Variants in ATP10A observed in about 807,000 individuals in gnomAD.
ATP10A encodes phospholipid-transporting ATPase VA.
ATP10A carries 111 observed loss-of-function variants against 147.8 expected under a neutral mutation model. That is an observed-to-expected ratio of 0.75 (90% confidence interval 0.64 to 0.88). The LOEUF (loss-of-function observed/expected upper bound fraction) is 0.88. Among genes scored for constraint, ATP10A ranks in the 40% least tolerant of loss-of-function variants. ATP10A has a pLI of 0.00. For missense variants in ATP10A, 1,927 were observed against 1,959.0 expected (o/e 0.98, Z 0.31); for synonymous variants, 875 against 841.6 (o/e 1.04, Z -0.69).
At chr15:25,828,288 G>A (rs529092207) in intron 1 of ATP10A, among the ~76,000 whole-genome samples, 1 of 152,258 alleles carries the variant, frequency 6.6e-6, no homozygotes, top group East Asian at 1.9e-4. Flanking sequence ...TATTATAAAT[G>A]AACTAGACCT....
In ATP10A at chr15:25,679,774, T is replaced by G. The variant is rs748172500; in HGVS notation, c.4067A>C (p.His1356Pro). 6.2e-7 allele frequency: 1 copy of G among 1,613,094 alleles called. No homozygotes were observed. The highest frequency in any genetic ancestry group is 8.5e-7 in the Non-Finnish European group (1 of 1,179,868). ...TSVPLSQPSW[H>P]TQQPVCSLEA... ...CAGGGAGCAGACCGGCTGCTGTGTG[T>G]GCCAAGAAGGCTGGGACAGGGGCAC... The change falls in exon 21 of 21, where the codon CAC (histidine) becomes CCC (proline). Residue 1356 changes from histidine to proline, a missense_variant. Coordinates refer to ENST00000555815, the MANE Select transcript of ATP10A (RefSeq NM_024490.4).
chr15:25,719,762 G>C lies in ATP10A; in HGVS notation c.1364-1363C>G, dbSNP rs1902097100. Among the ~76,000 whole-genome samples, 4 of 152,136 alleles carry C rather than the reference G, an allele frequency of 2.6e-5. No homozygotes were observed. In the South Asian group the frequency reaches 8.3e-4, roughly 32 times the overall value. On this transcript the variant is annotated intron_variant, in intron 7 of 20. Coordinates refer to ENST00000555815, the MANE Select transcript of ATP10A (RefSeq NM_024490.4). The stretch of plus-strand genomic sequence containing the variant: ...CCAGGAGCAGGTAATGCCCCCTCCT[G>C]GGCATGCACAGCCAGCTAGCTCCAG...
chr15:25,852,048 A>G (rs1342344138), intron 1 of ATP10A, among the ~76,000 whole-genome samples: 1 of 152,220 alleles, frequency 6.6e-6, no homozygotes, highest in Admixed American at 6.5e-5. Flanking sequence ...CCTGCCTGGC[A>G]CTGTAGCCCA....
At chr15:25,827,110 C>A (rs1461407473) in intron 1 of ATP10A, among the ~76,000 whole-genome samples, 2 of 152,222 alleles carry the variant, frequency 1.3e-5, no homozygotes, top group Admixed American at 6.5e-5. Context: ...AAAATGGAGT[C>A]AGGTGACATC....
intron 13 of ATP10A, among the ~76,000 whole-genome samples, chr15:25,697,483 T>C (rs908881526): frequency 3.3e-5 from 5 of 152,088 alleles, no homozygotes; most frequent in Non-Finnish European, 7.3e-5. Flanking sequence ...ACACAGATAC[T>C]GACATTATCG....
At chr15:25,675,085 G>A (rs1412406355), downstream of ATP10A, among the ~76,000 whole-genome samples, 2 of 152,208 alleles carry the variant, frequency 1.3e-5, no homozygotes, top group African/African-American at 4.8e-5. Context: ...CACGCTGCTC[G>A]GGGAATTTTG....
intron 2 of ATP10A, among the ~76,000 whole-genome samples, chr15:25,767,379 G>A (rs1433857191): frequency 6.6e-6 from 1 of 152,196 alleles, no homozygotes; most frequent in Non-Finnish European, 1.5e-5. Context: ...CGAGTCTGCT[G>A]GGAGACCTGG....
intron 7 of ATP10A, 109 bp downstream of exon 7, chr15:25,721,548 G>A (rs1193869981): frequency 1.1e-5 from 5 of 470,724 alleles, no homozygotes; most frequent in African/African-American, 3.2e-5. Context: ...TGAAGCGTGT[G>A]TGTGTGTGTG....
chr15:25,858,000 C>T (rs566820214), intron 1 of ATP10A, among the ~76,000 whole-genome samples: 1 of 152,192 alleles, frequency 6.6e-6, no homozygotes, highest in Non-Finnish European at 1.5e-5. Flanking sequence ...CATGAACAAG[C>T]CTGCCTTTGG....
At chr15:25,770,218 G>GGGGCCCCACCC (rs1365895915) in intron 2 of ATP10A, among the ~76,000 whole-genome samples, 1 of 152,136 alleles carries the variant, frequency 6.6e-6, no homozygotes, top group African/African-American at 2.4e-5. Flanking sequence ...GAGGTGGGGA[G>GGGGCCCCACCC]GGGCCCCACC....
intron 1 of ATP10A, among the ~76,000 whole-genome samples, chr15:25,857,644 G>T (rs1462688643): frequency 6.6e-6 from 1 of 152,152 alleles, no homozygotes; most frequent in Non-Finnish European, 1.5e-5. Flanking sequence ...GTTGCTAATT[G>T]TTGAAACTGG....
intron 1 of ATP10A, among the ~76,000 whole-genome samples, chr15:25,836,634 T>C (rs1402794641): frequency 6.6e-6 from 1 of 152,154 alleles, no homozygotes. Context: ...GCCTCCCTGT[T>C]CCCTCAGGCA....
intron 3 of ATP10A, among the ~76,000 whole-genome samples, chr15:25,730,359 A>AGAT (rs1902905998): frequency 7.0e-6 from 1 of 141,916 alleles, no homozygotes; most frequent in African/African-American, 2.6e-5. Context: ...GAAGGAAGGA[A>AGAT]GGACAGGGAG....
chr15:25,719,903 GAGA>G (rs1353495465), intron 7 of ATP10A, among the ~76,000 whole-genome samples: 1 of 152,178 alleles, frequency 6.6e-6, no homozygotes, highest in Non-Finnish European at 1.5e-5. Flanking sequence ...GTGACATCTG[GAGA>G]GGTCAGATCA....
intron 12 of ATP10A, among the ~76,000 whole-genome samples, 174 bp downstream of exon 12, chr15:25,707,802 T>G (rs978073040): frequency 1.3e-5 from 2 of 152,082 alleles, no homozygotes; most frequent in African/African-American, 4.8e-5. Flanking sequence ...GAAATGAGAC[T>G]AGGAGAAGAT....
At chr15:25,727,426 T>G (rs1902648610) in intron 3 of ATP10A, among the ~76,000 whole-genome samples, 160 bp from the exon 4 acceptor site, 2 of 152,046 alleles carry the variant, frequency 1.3e-5, no homozygotes, top group African/African-American at 4.8e-5. Context: ...AGTGGGTGGC[T>G]CGCCCTGTGG....
At chr15:25,720,211 T>A (rs1902127092) in intron 7 of ATP10A, among the ~76,000 whole-genome samples, 1 of 152,198 alleles carries the variant, frequency 6.6e-6, no homozygotes, top group African/African-American at 2.4e-5. Context: ...TATACATTCA[T>A]GGGGTGCAAT....
intron 1 of ATP10A, among the ~76,000 whole-genome samples, chr15:25,804,395 A>G (rs1257346627): frequency 2.0e-5 from 3 of 147,144 alleles, no homozygotes; most frequent in African/African-American, 5.1e-5. Flanking sequence ...GTGAGTGCAT[A>G]TGCGGGTAGG....
intron 12 of ATP10A, 134 bp from the exon 13 acceptor site, chr15:25,702,234 G>C: frequency 1.1e-6 from 1 of 883,668 alleles, no homozygotes; most frequent in South Asian, 1.8e-5. Flanking sequence ...GCCTTGCCAG[G>C]GGCTGGGCTG....
Sources: allele counts gnomAD v4.1 joint callset (sites outside exome capture counted in the v4.1 genomes callset), GRCh38; gene constraint gnomAD v4.1.1; transcripts MANE v1.5; gene names NCBI Gene and HGNC (gene_info 2026-07-23, HGNC 2026-07-21).